CRADD: variants seen among roughly 807,000 people sequenced by gnomAD.
The protein encoded by CRADD is CARD and death domain containing adaptor protein, also known as death domain-containing protein CRADD.
CRADD carries 9 observed loss-of-function variants against 15.5 expected under a neutral mutation model. The ratio of observed to expected loss-of-function variants is 0.58; its 90% CI spans 0.35 to 1.01. The LOEUF (loss-of-function observed/expected upper bound fraction) is 1.01, where lower values mean the gene tolerates loss of function less well. CRADD is among the 50% of genes least tolerant of loss of function. The probability of loss-of-function intolerance (pLI) is 0.02; values close to 1 mark genes in which losing one functional copy is unlikely to be tolerated. For missense variants in CRADD, 227 were observed against 250.3 expected, an observed-to-expected ratio of 0.91 and a Z score of 0.63; for synonymous variants, 118 against 107.6, an observed-to-expected ratio of 1.10 and a Z score of -0.60.
chr12:93,692,997 T>A (rs2136818760), intron 2 of CRADD, among the ~76,000 whole-genome samples: 1 of 152,264 alleles, frequency 6.6e-6, no homozygotes, highest in East Asian at 1.9e-4. Flanking sequence ...TTGTATGTGA[T>A]CAAAATTGAG....
chr12:93,869,663 G>T (rs1474908338), intron 2 of CRADD, among the ~76,000 whole-genome samples: 1 of 152,038 alleles, frequency 6.6e-6, no homozygotes, highest in African/African-American at 2.4e-5. Context: ...TACAATACCT[G>T]AAAAAATGAT....
rs781736418 is a variant in CRADD at position 93,761,556 on chromosome 12, T to C, written c.298+82484T>C. Among the ~76,000 whole-genome samples, 3 of 152,122 alleles carry C rather than the reference T, an allele frequency of 2.0e-5. 1 individual carries two copies. The South Asian group carries it at 6.2e-4, about 32-fold the overall frequency. ...AGAATTAGGGACGACGAAAGGAAGGTGGTACAGGTGGGAGGAGGATCTGCA... is the reference window on the plus strand; with the variant it reads ...AGAATTAGGGACGACGAAAGGAAGGCGGTACAGGTGGGAGGAGGATCTGCA... On this transcript the variant is annotated intron_variant, in intron 2 of 2. Coordinates refer to ENST00000332896, the MANE Select transcript of CRADD (RefSeq NM_003805.5).
At chr12:93,887,469 G>T (rs998171551) in intron 2 of CRADD, among the ~76,000 whole-genome samples, 4 of 152,208 alleles carry the variant, frequency 2.6e-5, no homozygotes, top group Admixed American at 6.5e-5. Flanking sequence ...GCGAAACTCA[G>T]GAAGTTCTTA....
chr12:93,799,321 C>T (rs1957453006), intron 2 of CRADD, among the ~76,000 whole-genome samples: 2 of 152,176 alleles, frequency 1.3e-5, no homozygotes, highest in Admixed American at 1.3e-4. Flanking sequence ...CAGTCACCTA[C>T]AGTGGCCACA....
chr12:93,786,074 C>T (rs757299502), intron 2 of CRADD, among the ~76,000 whole-genome samples: 1 of 152,186 alleles, frequency 6.6e-6, no homozygotes, highest in Non-Finnish European at 1.5e-5. Flanking sequence ...CCTATGAAGA[C>T]ACGAATGATG....
intron 2 of CRADD, among the ~76,000 whole-genome samples, chr12:93,839,511 A>C (rs1424714573): frequency 6.6e-6 from 1 of 152,162 alleles, no homozygotes; most frequent in African/African-American, 2.4e-5. Context: ...ATTCAATTTT[A>C]CCCACACTGC....
intron 2 of CRADD, among the ~76,000 whole-genome samples, chr12:93,823,394 A>G (rs1957790236): frequency 6.6e-6 from 1 of 152,162 alleles, no homozygotes; most frequent in Non-Finnish European, 1.5e-5. Context: ...CTCTTAATGA[A>G]TACACCAAAA....
At chr12:93,771,198 G>C (rs889800525) in intron 2 of CRADD, among the ~76,000 whole-genome samples, 1 of 152,042 alleles carries the variant, frequency 6.6e-6, no homozygotes, top group Non-Finnish European at 1.5e-5. Flanking sequence ...GTGCCTTTCT[G>C]TCTCCTTGGA....
At chr12:93,808,786 T>C (rs988726679) in intron 2 of CRADD, among the ~76,000 whole-genome samples, 1 of 152,106 alleles carries the variant, frequency 6.6e-6, no homozygotes, top group African/African-American at 2.4e-5. Flanking sequence ...CCTCTGAAGA[T>C]CCCCTGCCTT....
intron 2 of CRADD, among the ~76,000 whole-genome samples, chr12:93,826,441 C>T (rs1319377929): frequency 2.6e-5 from 4 of 152,178 alleles, no homozygotes; most frequent in Non-Finnish European, 4.4e-5. Flanking sequence ...AATTTTTCCT[C>T]GGAGAGATGT....
chr12:93,802,583 G>T (rs1040106961), intron 2 of CRADD, among the ~76,000 whole-genome samples: 1 of 152,196 alleles, frequency 6.6e-6, no homozygotes, highest in Non-Finnish European at 1.5e-5. Context: ...AAGCTCAAGA[G>T]GTGTGGGATG....
chr12:93,866,088 A>G (rs569798842), intron 2 of CRADD, among the ~76,000 whole-genome samples: 10 of 152,220 alleles, frequency 6.6e-5, no homozygotes, highest in African/African-American at 1.4e-4. Context: ...TTTGATTCCA[A>G]TGTTCTTAAA....
intron 2 of CRADD, among the ~76,000 whole-genome samples, chr12:93,881,003 A>C (rs1332618032): frequency 7.2e-5 from 11 of 152,236 alleles, no homozygotes; most frequent in Admixed American, 7.2e-4. Context: ...AGCATTTAGC[A>C]ATTCCTTTTT....
intron 2 of CRADD, among the ~76,000 whole-genome samples, chr12:93,769,157 T>C (rs192275662): frequency 6.6e-6 from 1 of 152,202 alleles, no homozygotes. Flanking sequence ...CTCAGCTCAC[T>C]GCAATCCCAC....
intron 2 of CRADD, among the ~76,000 whole-genome samples, chr12:93,688,172 GCTGT>G (rs975565194): frequency 3.3e-5 from 5 of 152,168 alleles, no homozygotes; most frequent in Non-Finnish European, 7.3e-5. Flanking sequence ...TGTCAGACTG[GCTGT>G]CTGTCTGCTC....
At chr12:93,849,885 C>A in intron 2 of CRADD, 85 bp from the exon 3 acceptor site, 1 of 830,242 alleles carries the variant, frequency 1.2e-6, no homozygotes, top group Non-Finnish European at 2.1e-6. Flanking sequence ...GCATTGCCTT[C>A]TTCTCCCCAC....
At chr12:93,693,294 T>A (rs1955617252) in intron 2 of CRADD, among the ~76,000 whole-genome samples, 1 of 152,106 alleles carries the variant, frequency 6.6e-6, no homozygotes, top group African/African-American at 2.4e-5. Flanking sequence ...AGACAGGGTG[T>A]CTGAATGGGT....
chr12:93,882,246 C>G (rs11836585), intron 2 of CRADD, among the ~76,000 whole-genome samples: 11,052 of 151,518 alleles, frequency 0.073, 475 homozygotes, highest in African/African-American at 0.11. Flanking sequence ...ATGGTGAAAC[C>G]CTGTCTCTAC....
intron 2 of CRADD, among the ~76,000 whole-genome samples, chr12:93,863,665 C>T (rs540322252): frequency 2.1e-5 from 3 of 141,888 alleles, no homozygotes; most frequent in Non-Finnish European, 4.5e-5. Flanking sequence ...CATACATTGG[C>T]GGGGGTTAGG....
Sources: allele counts gnomAD v4.1 joint callset (sites outside exome capture counted in the v4.1 genomes callset), GRCh38; gene constraint gnomAD v4.1.1; transcripts MANE v1.5; gene names NCBI Gene and HGNC (gene_info 2026-07-23, HGNC 2026-07-21).